Variants in DIAPH1 observed in about 807,000 individuals in gnomAD.
DIAPH1 encodes the protein protein diaphanous homolog 1.
DIAPH1 carries 46 observed loss-of-function variants against 140.7 expected under a neutral mutation model. The ratio of observed to expected loss-of-function variants is 0.33; its 90% CI spans 0.26 to 0.42. The LOEUF (loss-of-function observed/expected upper bound fraction) is 0.42. Ranked by LOEUF, DIAPH1 falls within the 10% of genes least tolerant of loss-of-function variation. The probability of loss-of-function intolerance (pLI) is 1.00; values close to 1 mark genes in which losing one functional copy is unlikely to be tolerated. For missense variants in DIAPH1, 1,310 were observed against 1,558.7 expected, an observed-to-expected ratio of 0.84 and a Z score of 2.69; for synonymous variants, 565 against 551.6, an observed-to-expected ratio of 1.02 and a Z score of -0.34.
chr5:141,596,717 T>C (rs2099899378), intron 1 of DIAPH1, among the ~76,000 whole-genome samples: 1 of 152,222 alleles, frequency 6.6e-6, no homozygotes, highest in South Asian at 2.1e-4. Context: ...GATGGTGCTG[T>C]CCTACAGCAA....
intron 3 of DIAPH1, among the ~76,000 whole-genome samples, 156 bp downstream of exon 3, chr5:141,586,886 C>T (rs2099897634): frequency 6.6e-6 from 1 of 152,076 alleles, no homozygotes; most frequent in Non-Finnish European, 1.5e-5. Context: ...ATATTTAGTC[C>T]CTAATTATGG....
At chr5:141,584,733 C>T (rs1247745670) in intron 3 of DIAPH1, among the ~76,000 whole-genome samples, 2 of 151,944 alleles carry the variant, frequency 1.3e-5, no homozygotes, top group African/African-American at 2.4e-5. Context: ...AAGCAGAGGC[C>T]CCCTGACAGA....
intron 18 of DIAPH1, among the ~76,000 whole-genome samples, chr5:141,562,220 C>CAA (rs578001246): frequency 7.4e-6 from 1 of 135,728 alleles, no homozygotes; most frequent in African/African-American, 2.6e-5. Context: ...GCTACTGTTT[C>CAA]AAAAAAAAAA....
chr5:141,580,629 C>A (rs1176869437), intron 8 of DIAPH1, 115 bp downstream of exon 8: 2 of 1,047,724 alleles, frequency 1.9e-6, no homozygotes, highest in African/African-American at 3.2e-5. Context: ...GGAAGAAACA[C>A]AATCTTACCT....
intron 16 of DIAPH1, among the ~76,000 whole-genome samples, chr5:141,572,767 C>CA (rs34465200): frequency 1.0e-3 from 139 of 132,404 alleles, no homozygotes; most frequent in East Asian, 6.5e-3. Context: ...GACTCCAACT[C>CA]AAAAAAAAAA....
Position 141,587,806 on chromosome 5 carries a change from G to A in DIAPH1, c.144+418C>T, listed in dbSNP as rs1243131526. On this transcript the variant is annotated intron_variant, in intron 2 of 27. Transcript: ENST00000389054. ...CAGCAAAGAATACAATGTACCTCAG[G>A]GGTATATATGCCATCTCTCTGCCAA... 2.6e-5 allele frequency among the ~76,000 whole-genome samples: 4 copies of A among 152,114 alleles called. No homozygotes were observed. In the East Asian group the frequency reaches 7.7e-4, roughly 29 times the overall value.
chr5:141,558,488 G>A (rs371988882), intron 18 of DIAPH1: 1 of 152,180 alleles, frequency 6.6e-6, no homozygotes, highest in African/African-American at 2.4e-5. Flanking sequence ...AGAACTGCAG[G>A]TGGGAGTAAG....
chr5:141,579,177 C>T lies in DIAPH1; in HGVS notation c.844G>A (p.Ala282Thr). 1 of 1,614,050 alleles carries T rather than the reference C, an allele frequency of 6.2e-7. No individual in the cohort carries two copies. Among genetic ancestry groups the T allele is most frequent in the Non-Finnish European group, 8.5e-7 (1 of 1,179,916 alleles). ...PEDMNERVLE[A>T]MTERAEMDEV... ...TCCATCTCAGCTCTTTCTGTCATTGCCTCCAAAACCCTTTCATTCCTGCCC... is the reference window on the plus strand; with the variant it reads ...TCCATCTCAGCTCTTTCTGTCATTGTCTCCAAAACCCTTTCATTCCTGCCC... Residue 282 changes from alanine to threonine, a missense_variant, in exon 9 of 28, where the codon GCA becomes ACA. This residue lies in a region of DIAPH1 where 377 missense variants were observed against 497.1 expected (regional missense o/e 0.76). Transcript: ENST00000389054.
At chr5:141,538,250 C>G (rs985642867) in intron 18 of DIAPH1, among the ~76,000 whole-genome samples, 1 of 151,876 alleles carries the variant, frequency 6.6e-6, no homozygotes, top group Non-Finnish European at 1.5e-5. Flanking sequence ...TTAGTAGAGA[C>G]AGGGTTTCAC....
chr5:141,558,346 G>C (rs1253909591), intron 18 of DIAPH1: 3 of 152,074 alleles, frequency 2.0e-5, no homozygotes, highest in Non-Finnish European at 4.4e-5. Flanking sequence ...ATGGACTAAT[G>C]ACCCCCGGAA....
Position 141,618,928 on chromosome 5 carries a change from C to A in DIAPH1, c.-14G>T. 1 of 1,455,420 alleles carries A rather than the reference C, an allele frequency of 6.9e-7. No homozygotes were observed. Among genetic ancestry groups the A allele is most frequent in the South Asian group, 1.3e-5 (1 of 75,924 alleles). 90.2% of individuals were successfully genotyped at this position (1,455,420 alleles called of 1,614,324 possible). A position where few individuals can be genotyped will look rare whatever the true frequency, so the allele number is the denominator to read the frequency against. On this transcript the variant is annotated 5_prime_UTR_variant, in exon 1 of 28. Transcript: ENST00000389054. ...GGGCGGCTCCATGTCCCGGTTCACGCTGGCCGGCGACCCCGCGCCTACGCC... is the reference window on the plus strand; with the variant it reads ...GGGCGGCTCCATGTCCCGGTTCACGATGGCCGGCGACCCCGCGCCTACGCC...
intron 18 of DIAPH1, chr5:141,558,202 T>C (rs1370556226): frequency 6.6e-6 from 1 of 152,180 alleles, no homozygotes; most frequent in African/African-American, 2.4e-5. Flanking sequence ...TAATTTTCAG[T>C]CTCTAAAGAC....
intron 7 of DIAPH1, 198 bp downstream of exon 7, chr5:141,582,114 C>A: frequency 2.3e-6 from 1 of 438,632 alleles, no homozygotes; most frequent in Non-Finnish European, 4.2e-6. Flanking sequence ...TGAGCCTGTC[C>A]TCTGAAACAG....
Position 141,528,847 on chromosome 5 carries a change from A to G in DIAPH1, c.2873T>C (p.Val958Ala). Reference sequence around the variant, plus strand: ...CTCCTCACATGCAGCAGTGACAGACACAATCTCTGGCTTGATATTCTCCAC... The same window carrying G: ...CTCCTCACATGCAGCAGTGACAGACGCAATCTCTGGCTTGATATTCTCCAC... ...EQVENIKPEIVSVTAACEELR... is the reference protein window; with the variant it reads ...EQVENIKPEIASVTAACEELR... The change falls in exon 22 of 28, where the codon GTG (valine) becomes GCG (alanine). Residue 958 changes from valine to alanine, a missense_variant. Coordinates refer to ENST00000389054, the MANE Select transcript of DIAPH1 (RefSeq NM_005219.5). 6.2e-7 allele frequency: 1 copy of G among 1,614,262 alleles called. No individual in the cohort carries two copies. Among genetic ancestry groups the G allele is most frequent in the Non-Finnish European group, 8.5e-7 (1 of 1,180,042 alleles).
intron 24 of DIAPH1, among the ~76,000 whole-genome samples, chr5:141,526,735 T>A (rs567044382): frequency 1.3e-5 from 2 of 152,314 alleles, no homozygotes; most frequent in East Asian, 3.9e-4. Context: ...TTTTGTTCTA[T>A]CGCCGGGCAG....
intron 1 of DIAPH1, among the ~76,000 whole-genome samples, chr5:141,606,548 C>T (rs187073919): frequency 6.3e-4 from 96 of 152,180 alleles, no homozygotes; most frequent in African/African-American, 2.2e-3. Flanking sequence ...CTGGGCACCA[C>T]CACGCCTGGA....
intron 18 of DIAPH1, among the ~76,000 whole-genome samples, chr5:141,552,876 T>C (rs2099891951): frequency 6.6e-6 from 1 of 152,136 alleles, no homozygotes; most frequent in South Asian, 2.1e-4. Context: ...TGCTAACACC[T>C]TGATCTTGGA....
chr5:141,603,768 A>AATATT, intron 1 of DIAPH1, among the ~76,000 whole-genome samples: 1 of 152,332 alleles, frequency 6.6e-6, no homozygotes, highest in Non-Finnish European at 1.5e-5. Flanking sequence ...AAACTATCTT[A>AATATT]ATATTAGAAT....
chr5:141,576,604 T>C (rs2099895999), intron 13 of DIAPH1, 152 bp downstream of exon 13: 1 of 692,792 alleles, frequency 1.4e-6, no homozygotes, highest in South Asian at 1.6e-5. Flanking sequence ...TATAGATTCC[T>C]AGCAAAGATG....
Sources: gnomAD v4.1 joint callset for allele counts (sites outside exome capture counted in the v4.1 genomes callset) on GRCh38, gnomAD v4.1.1 for gene constraint, gnomAD v4.1.1 regional missense constraint, MANE v1.5 for transcripts, NCBI Gene and HGNC (gene_info 2026-07-23, HGNC 2026-07-21) for gene names.